The following TRIM33 variants were observed in gnomAD, a reference collection of about 807,000 sequenced individuals.
TRIM33 encodes tripartite motif containing 33, also known as E3 ubiquitin-protein ligase TRIM33.
In TRIM33, 20 loss-of-function variants were observed where a neutral mutation model predicts 125.4. The observed-to-expected ratio is 0.16, with a 90% CI of 0.11 to 0.23. The LOEUF is 0.23. Among genes scored for constraint, TRIM33 ranks in the 10% least tolerant of loss-of-function variants. TRIM33 has a pLI of 1.00. For synonymous variants in TRIM33, 564 were observed against 513.9 expected (o/e 1.10, Z -1.32); for missense variants, 920 against 1,411.4 (o/e 0.65, Z 5.58).
Position 114,393,327 on chromosome 1 carries a change from G to A in TRIM33, c.*4321C>T, listed in dbSNP as rs1480496429. ...TAGATGCCTACATTTTTCAGAACAA[G>A]GAGCAGACATGCATTCCATCCTTAA... On this transcript the variant is annotated 3_prime_UTR_variant, in exon 20 of 20. Coordinates refer to ENST00000358465, the MANE Select transcript of TRIM33 (RefSeq NM_015906.4). 1 of 199,420 alleles carries A rather than the reference G, an allele frequency of 5.0e-6. No homozygotes were observed. The highest frequency in any genetic ancestry group is 1.0e-5 in the Non-Finnish European group (1 of 96,634). The allele number at this position is 199,420 out of a possible 1,614,324, so 12.4% of individuals were successfully genotyped here.
At chr1:114,401,959 TCA>T (rs1444756599) in intron 16 of TRIM33, among the ~76,000 whole-genome samples, 9 of 152,332 alleles carry the variant, frequency 5.9e-5, no homozygotes, top group Non-Finnish European at 1.2e-4. Flanking sequence ...CATTTTACAT[TCA>T]CAGTCTTCTA....
intron 1 of TRIM33, among the ~76,000 whole-genome samples, chr1:114,473,432 G>T (rs1434671878): frequency 6.6e-6 from 1 of 152,074 alleles, no homozygotes; most frequent in Non-Finnish European, 1.5e-5. Context: ...ATTGGTGAGG[G>T]TTAGACCACA....
intron 16 of TRIM33, 58 bp from the exon 17 acceptor site, chr1:114,401,521 T>A (rs1651890307): frequency 4.9e-6 from 7 of 1,440,562 alleles, no homozygotes; most frequent in Non-Finnish European, 6.8e-6. Flanking sequence ...TAAAACATTC[T>A]CGAGAATGAG....
rs1325049782 is a variant in TRIM33, at chr1:114,481,706, T to TA, written c.527-17319_527-17318insT. 4.6e-5 allele frequency among the ~76,000 whole-genome samples: 7 copies of TA among 151,574 alleles called. No individual in the cohort carries two copies. The East Asian group carries it at 7.7e-4, about 17-fold the overall frequency. On this transcript the variant is annotated intron_variant, in intron 1 of 19. Coordinates refer to ENST00000358465, the MANE Select transcript of TRIM33 (RefSeq NM_015906.4). Reference sequence around the variant, plus strand: ...ATATATATATGTGTGTATATATATATTTTTTTATATTGGTTTTTTCCTCCC... The same window carrying TA: ...ATATATATATGTGTGTATATATATATATTTTTTATATTGGTTTTTTCCTCCC...
chr1:114,450,329 T>G (rs188184289), intron 4 of TRIM33, among the ~76,000 whole-genome samples: 3 of 147,676 alleles, frequency 2.0e-5, no homozygotes, highest in Non-Finnish European at 4.4e-5. Flanking sequence ...AATCCTGTTG[T>G]TTTGTTTTGT....
At chr1:114,473,965 T>C (rs1048719834) in intron 1 of TRIM33, among the ~76,000 whole-genome samples, 6 of 152,116 alleles carry the variant, frequency 3.9e-5, no homozygotes, top group Admixed American at 2.0e-4. Flanking sequence ...TGGAGTGCAG[T>C]GGCGCTCACT....
chr1:114,500,922 G>A lies in TRIM33; in HGVS notation c.526+9629C>T, dbSNP rs970326148. On this transcript the variant is annotated intron_variant, in intron 1 of 19. Transcript: ENST00000358465. ...ACAAGAATTTGGGGCCGGGCGCGGT[G>A]GCTCACGCCTGTAATCCCAGCACTT... Among the ~76,000 whole-genome samples the A allele has an allele frequency of 3.8e-5, 5 of 129,896 alleles. 1 individual carries two copies. The highest frequency in any genetic ancestry group is 6.7e-5 in the Non-Finnish European group (4 of 60,110). 85.2% of individuals were successfully genotyped at this position (129,896 alleles called of 152,430 possible). A position where few individuals can be genotyped will look rare whatever the true frequency, so the allele number is the denominator to read the frequency against.
At chr1:114,489,543 A>G (rs1450468888) in intron 1 of TRIM33, among the ~76,000 whole-genome samples, 1 of 152,118 alleles carries the variant, frequency 6.6e-6, no homozygotes, top group Non-Finnish European at 1.5e-5. Flanking sequence ...CAGGAGTTTG[A>G]GACCAGCCTG....
In TRIM33 at chr1:114,408,736, T is replaced by A; in HGVS notation, c.2199A>T (p.Leu733Phe). Reference sequence around the variant, plus strand: ...GTCTCACAGGTGTGTGAGAATTGGATAAACCTAAAAAGTAGTAAGTCAAAA... The same window carrying A: ...GTCTCACAGGTGTGTGAGAATTGGAAAAACCTAAAAAGTAGTAAGTCAAAA... ...PSALSPGSSGLSNSHTPVRPP... is the reference protein window; with the variant it reads ...PSALSPGSSGFSNSHTPVRPP... Residue 733 changes from leucine to phenylalanine, a missense_variant, in exon 13 of 20, where the codon TTA becomes TTT. Leu to Phe is a conservative substitution (Grantham distance 22, BLOSUM62 0). Coordinates refer to ENST00000358465, the MANE Select transcript of TRIM33 (RefSeq NM_015906.4). The A allele has an allele frequency of 6.3e-7, 1 of 1,599,866 alleles. No individual in the cohort carries two copies. Among genetic ancestry groups the A allele is most frequent in the Non-Finnish European group, 8.5e-7 (1 of 1,171,292 alleles).
At chr1:114,445,414 A>T (rs1415340907) in intron 4 of TRIM33, among the ~76,000 whole-genome samples, 1 of 151,870 alleles carries the variant, frequency 6.6e-6, no homozygotes, top group Non-Finnish European at 1.5e-5. Flanking sequence ...ATTTTAAAAA[A>T]TTTTCTGGTA....
At chr1:114,405,283 A>G (rs769861750) in intron 15 of TRIM33, 127 bp downstream of exon 15, 39 of 691,380 alleles carry the variant, frequency 5.6e-5, no homozygotes, top group Non-Finnish European at 9.0e-5. Flanking sequence ...TACCAAAAGA[A>G]TAACAGGCTC....
At chr1:114,423,706 C>T (rs547918198) in intron 10 of TRIM33, among the ~76,000 whole-genome samples, 25 of 151,970 alleles carry the variant, frequency 1.6e-4, no homozygotes, top group Middle Eastern at 3.4e-3. Context: ...AGCCAAGAAG[C>T]GCATTATTTT....
intron 11 of TRIM33, among the ~76,000 whole-genome samples, chr1:114,414,027 G>A (rs959902959): frequency 5.4e-5 from 7 of 130,682 alleles, no homozygotes; most frequent in South Asian, 2.8e-4. Flanking sequence ...TAAATCACAG[G>A]CACACACACA....
chr1:114,424,538 C>T (rs1391141606), intron 10 of TRIM33, 53 bp downstream of exon 10: 23 of 1,424,678 alleles, frequency 1.6e-5, no homozygotes, highest in Middle Eastern at 1.9e-4. Context: ...AAGAAAATGA[C>T]GTCTTTTAAT....
chr1:114,461,561 A>AT (rs1332586476), intron 4 of TRIM33, among the ~76,000 whole-genome samples: 11 of 151,822 alleles, frequency 7.2e-5, no homozygotes, highest in South Asian at 2.1e-4. Flanking sequence ...GAAAAAAAAC[A>AT]TTTTTTTTAA....
At chr1:114,398,855 T>C (rs1362795659) in intron 18 of TRIM33, among the ~76,000 whole-genome samples, 3 of 127,870 alleles carry the variant, frequency 2.3e-5, no homozygotes, top group Non-Finnish European at 3.2e-5. Flanking sequence ...AACAGGTATA[T>C]AATACATTTC....
chr1:114,501,950 T>C (rs1652745147), intron 1 of TRIM33, among the ~76,000 whole-genome samples: 1 of 152,194 alleles, frequency 6.6e-6, no homozygotes, highest in South Asian at 2.1e-4. Flanking sequence ...TTTTTCCCAC[T>C]TCCCCTTGAG....
intron 1 of TRIM33, among the ~76,000 whole-genome samples, chr1:114,474,508 A>C (rs1650852997): frequency 6.7e-6 from 1 of 148,654 alleles, no homozygotes; most frequent in African/African-American, 2.5e-5. Context: ...CAGGAGTTCA[A>C]GGCTGCAGTG....
rs1653330696 is a variant in TRIM33, at chr1:114,510,994, C to A, written c.83G>T (p.Gly28Val). Residue 28 changes from glycine to valine, a missense_variant, in exon 1 of 20, where the codon GGG (glycine) becomes GTG (valine). Gly to Val is a moderately radical substitution (Grantham distance 109). This residue lies in a region of TRIM33 where 233 missense variants were observed against 189.6 expected (regional missense o/e 1.23). Transcript: ENST00000358465. ...CGGCTCCGCCTCCTGCGCGGCGGGC[C>A]CGGCGGCCCCGGCAGTTACCGGCGC... The part of the protein sequence containing the change: ...GSAPVTAGAA[G>V]PAAQEAEPPL... The A allele has an allele frequency of 2.3e-6, 3 of 1,328,742 alleles. No individual in the cohort carries two copies. In the South Asian group the frequency reaches 5.7e-5, roughly 25 times the overall value. 82.3% of individuals were successfully genotyped at this position (1,328,742 alleles called of 1,614,324 possible).
Sources: allele counts gnomAD v4.1 joint callset (sites outside exome capture counted in the v4.1 genomes callset), GRCh38; gene constraint gnomAD v4.1.1; regional missense constraint gnomAD v4.1.1; transcripts MANE v1.5; gene names NCBI Gene and HGNC (gene_info 2026-07-23, HGNC 2026-07-21).